The following RANBP2 variants were observed in gnomAD, a reference collection of about 807,000 sequenced individuals.
RANBP2 encodes the protein RAN binding protein 2.
RANBP2 carries 57 observed loss-of-function variants against 303.6 expected under a neutral mutation model. That is an observed-to-expected ratio of 0.19 (90% confidence interval 0.15 to 0.23). RANBP2 has a LOEUF of 0.23. Among genes scored for constraint, RANBP2 ranks in the 10% least tolerant of loss-of-function variants. RANBP2 has a pLI of 1.00. For synonymous variants in RANBP2, 1,167 were observed against 1,301.5 expected (o/e 0.90, Z 2.23); for missense variants, 3,138 against 3,780.8 (o/e 0.83, Z 4.46).
the RANBP2 span, chr2:109,618,839 A>G: frequency 3.0e-5 from 5 of 167,060 alleles, no homozygotes; most frequent in East Asian, 5.8e-4. Context: ...TGCAGTTTGC[A>G]TATATAACTT....
chr2:108,978,784 AC>A, the RANBP2 span, among the ~76,000 whole-genome samples: 1 of 152,210 alleles, frequency 6.6e-6, no homozygotes, highest in Admixed American at 6.5e-5. Context: ...TGGAGAAAAG[AC>A]GGGAAAATCC....
Position 108,765,933 on chromosome 2 carries a change from C to A in RANBP2, c.5394C>A (p.Ser1798=), listed in dbSNP as rs368119755. ...GCTGTGTACAAAATGAGAGTTCTTC[C>A]TTAAAATGTGTGGCTTGTGATGCCT... The part of the protein sequence containing the change: ...SVCCVQNESS[S]LKCVACDASK... The change falls in exon 20 of 29, where the codon TCC becomes TCA. Residue 1798 remains serine, a synonymous_variant. Coordinates refer to ENST00000283195, the MANE Select transcript of RANBP2 (RefSeq NM_006267.5). The A allele has an allele frequency of 1.2e-6, 2 of 1,614,068 alleles. No individual in the cohort carries two copies. The highest frequency in any genetic ancestry group is 2.7e-5 in the African/African-American group (2 of 74,942).
At chr2:109,245,283 C>A in the RANBP2 span, among the ~76,000 whole-genome samples, 1 of 152,068 alleles carries the variant, frequency 6.6e-6, no homozygotes, top group East Asian at 1.9e-4. Flanking sequence ...GAGCTGTCTG[C>A]TGCCATGGTC....
At chr2:108,821,764 G>T in the RANBP2 span, among the ~76,000 whole-genome samples, 2 of 152,018 alleles carry the variant, frequency 1.3e-5, no homozygotes, top group African/African-American at 4.8e-5. Flanking sequence ...GGTCAACATG[G>T]TGAAACCCCA....
chr2:109,506,343 G>T, the RANBP2 span, among the ~76,000 whole-genome samples: 1 of 152,246 alleles, frequency 6.6e-6, no homozygotes. Context: ...GCTGGGAGCT[G>T]CAGGGTGAGC....
chr2:109,413,645 C>T, the RANBP2 span, among the ~76,000 whole-genome samples: 1 of 152,232 alleles, frequency 6.6e-6, no homozygotes, highest in Admixed American at 6.5e-5. Flanking sequence ...CTCTGGCCCC[C>T]ACATTCCCCT....
chr2:108,750,267 G>T (rs1573764260), intron 9 of RANBP2, among the ~76,000 whole-genome samples: 1 of 152,178 alleles, frequency 6.6e-6, no homozygotes. Context: ...CACAGTCTCT[G>T]TATTAAAACT....
At chr2:109,616,063 G>A in the RANBP2 span, 1 of 1,497,140 alleles carries the variant, frequency 6.7e-7, no homozygotes, top group South Asian at 1.4e-5. Flanking sequence ...AATGTATTTG[G>A]GTAAAAATTG....
At chr2:109,222,216 T>C in the RANBP2 span, among the ~76,000 whole-genome samples, 3 of 151,744 alleles carry the variant, frequency 2.0e-5, no homozygotes, top group Non-Finnish European at 4.4e-5. Flanking sequence ...GGTAGGGAGG[T>C]AAAGAAAGGT....
the RANBP2 span, among the ~76,000 whole-genome samples, chr2:109,048,244 G>A: frequency 2.6e-5 from 4 of 152,158 alleles, no homozygotes; most frequent in African/African-American, 7.2e-5. Context: ...TTCTTGCTAC[G>A]TGATTTATTT....
the RANBP2 span, among the ~76,000 whole-genome samples, chr2:109,222,690 C>T: frequency 1.3e-5 from 2 of 152,356 alleles, no homozygotes; most frequent in East Asian, 3.9e-4. Context: ...CCTGTACCTC[C>T]TCCCTAAAAC....
chr2:109,505,580 G>A, the RANBP2 span, among the ~76,000 whole-genome samples: 3 of 152,196 alleles, frequency 2.0e-5, no homozygotes, highest in Non-Finnish European at 4.4e-5. Context: ...TGGGGAGGTA[G>A]CTGCAGGCCT....
chr2:109,007,294 C>G, the RANBP2 span, among the ~76,000 whole-genome samples: 2 of 152,224 alleles, frequency 1.3e-5, no homozygotes, highest in South Asian at 2.1e-4. Flanking sequence ...AGCTCTCTTT[C>G]TAGCAGATCA....
At chr2:109,117,718 C>A in the RANBP2 span, among the ~76,000 whole-genome samples, 1 of 152,250 alleles carries the variant, frequency 6.6e-6, no homozygotes. Context: ...AATCACCCGT[C>A]TTCTGCGTCG....
At chr2:109,554,818 G>A in the RANBP2 span, among the ~76,000 whole-genome samples, 1 of 152,104 alleles carries the variant, frequency 6.6e-6, no homozygotes, top group African/African-American at 2.4e-5. Flanking sequence ...CCTATAGCAT[G>A]AAATATGAAG....
chr2:109,422,347 A>T, the RANBP2 span, among the ~76,000 whole-genome samples: 2 of 152,016 alleles, frequency 1.3e-5, no homozygotes, highest in African/African-American at 4.8e-5. Flanking sequence ...CATAGCTTTG[A>T]CCTCTCCAGG....
At chr2:109,219,006 T>G in the RANBP2 span, among the ~76,000 whole-genome samples, 1 of 152,260 alleles carries the variant, frequency 6.6e-6, no homozygotes, top group African/African-American at 2.4e-5. Flanking sequence ...TTATGGGCAC[T>G]GACCTCTCTT....
the RANBP2 span, among the ~76,000 whole-genome samples, chr2:109,335,316 A>G: frequency 2.6e-4 from 40 of 152,040 alleles, no homozygotes; most frequent in African/African-American, 3.1e-4. Flanking sequence ...TCCTCTCCCT[A>G]TGCCTCAAGT....
the RANBP2 span, among the ~76,000 whole-genome samples, chr2:109,663,416 G>A: frequency 1.3e-5 from 2 of 152,186 alleles, no homozygotes; most frequent in Non-Finnish European, 2.9e-5. Flanking sequence ...TACCTACTGT[G>A]CCCTGCTTCT....
Sources: allele counts gnomAD v4.1 joint callset (sites outside exome capture counted in the v4.1 genomes callset), GRCh38; gene constraint gnomAD v4.1.1; transcripts MANE v1.5; gene names NCBI Gene and HGNC (gene_info 2026-07-23, HGNC 2026-07-21).